ME3: variants seen among roughly 807,000 people sequenced by gnomAD.
The protein encoded by ME3 is malic enzyme 3.
In ME3, 48 loss-of-function variants were observed where a neutral mutation model predicts 68.9. The observed-to-expected ratio is 0.70, with a 90% CI of 0.55 to 0.89. The LOEUF (loss-of-function observed/expected upper bound fraction) is 0.89. ME3 is among the 40% of genes least tolerant of loss of function. ME3 has a pLI of 0.00. For missense variants in ME3, 675 were observed against 797.4 expected, an observed-to-expected ratio of 0.85 and a Z score of 1.85; for synonymous variants, 320 against 318.8, an observed-to-expected ratio of 1.00 and a Z score of -0.04.
chr11:86,447,285 G>T, intron 11 of ME3, 78 bp from the exon 12 acceptor site: 2 of 1,546,456 alleles, frequency 1.3e-6, no homozygotes, highest in Non-Finnish European at 1.8e-6. Flanking sequence ...GGTGGTGGGG[G>T]AACTAGGAAT....
chr11:86,565,079 C>T (rs548734733), intron 2 of ME3, among the ~76,000 whole-genome samples: 6 of 152,226 alleles, frequency 3.9e-5, no homozygotes, highest in Admixed American at 2.0e-4. Context: ...TGGCCAATAG[C>T]ACATGGAAAG....
chr11:86,613,217 A>T (rs1329792546), intron 2 of ME3, among the ~76,000 whole-genome samples: 2 of 152,290 alleles, frequency 1.3e-5, no homozygotes, highest in Admixed American at 6.5e-5. Context: ...AGATGGTTGT[A>T]GATGTGTGGT....
intron 2 of ME3, among the ~76,000 whole-genome samples, chr11:86,604,793 TAGAC>T (rs1961369643): frequency 6.6e-6 from 1 of 152,204 alleles, no homozygotes; most frequent in Admixed American, 6.5e-5. Context: ...TACGTCTTAA[TAGAC>T]AGTTAAGAAA....
chr11:86,438,545 G>C (rs1948909907), downstream of ME3, among the ~76,000 whole-genome samples: 1 of 151,942 alleles, frequency 6.6e-6, no homozygotes, highest in South Asian at 2.1e-4. Flanking sequence ...CTGCATAATT[G>C]GTGTTATTAC....
exon 1 of ME3, chr11:86,672,603 G>A (rs1947027727): frequency 6.6e-6 from 1 of 152,250 alleles, no homozygotes; most frequent in Admixed American, 6.5e-5. Flanking sequence ...CTCCATCTTG[G>A]CAAGACTAAA....
At chr11:86,575,228 G>T (rs1353234156) in intron 2 of ME3, among the ~76,000 whole-genome samples, 1 of 147,354 alleles carries the variant, frequency 6.8e-6, no homozygotes, top group Non-Finnish European at 1.5e-5. Context: ...GTGCTCCAGG[G>T]TGAACTCCTC....
At chr11:86,447,024 T>C (rs1225856286) in intron 12 of ME3, 41 bp downstream of exon 12, 1 of 1,604,340 alleles carries the variant, frequency 6.2e-7, no homozygotes, top group African/African-American at 1.3e-5. Context: ...TAATTGTTAC[T>C]ATGTCCTCTC....
chr11:86,555,998 T>A (rs1444848619), intron 4 of ME3, among the ~76,000 whole-genome samples: 1 of 152,180 alleles, frequency 6.6e-6, no homozygotes, highest in Non-Finnish European at 1.5e-5. Flanking sequence ...GAAGTCATTT[T>A]GAAAAAAAAC....
intron 6 of ME3, among the ~76,000 whole-genome samples, chr11:86,491,105 G>A (rs987374369): frequency 5.3e-5 from 8 of 152,134 alleles, no homozygotes; most frequent in East Asian, 1.9e-4. Flanking sequence ...TGGATATGAC[G>A]TTAAAAAATA....
intron 2 of ME3, among the ~76,000 whole-genome samples, chr11:86,585,269 A>G (rs1208507532): frequency 6.6e-6 from 1 of 152,230 alleles, no homozygotes; most frequent in Non-Finnish European, 1.5e-5. Flanking sequence ...TGCAGTGAGG[A>G]GAATTTTTGG....
intron 7 of ME3, among the ~76,000 whole-genome samples, chr11:86,486,269 C>A (rs1471270237): frequency 1.3e-5 from 2 of 152,214 alleles, no homozygotes; most frequent in African/African-American, 4.8e-5. Context: ...TTGACAGGAT[C>A]ATTTCCACCT....
chr11:86,540,146 G>A (rs1450247670), intron 4 of ME3, among the ~76,000 whole-genome samples: 2 of 152,214 alleles, frequency 1.3e-5, no homozygotes, highest in East Asian at 3.8e-4. Flanking sequence ...CCATCCTGTG[G>A]AACACAGGCC....
intron 2 of ME3, among the ~76,000 whole-genome samples, chr11:86,560,726 A>ATGTG (rs763026313): frequency 3.8e-5 from 4 of 106,070 alleles, no homozygotes; most frequent in South Asian, 6.2e-4. Flanking sequence ...GTGTGTGTGT[A>ATGTG]TGTGTGTGTG....
intron 4 of ME3, among the ~76,000 whole-genome samples, chr11:86,522,979 A>G (rs1954437844): frequency 6.6e-6 from 1 of 152,106 alleles, no homozygotes; most frequent in African/African-American, 2.4e-5. Context: ...GGGGTCTGGG[A>G]GGTTGATTAT....
chr11:86,541,373 G>A (rs1484869291), intron 4 of ME3, among the ~76,000 whole-genome samples: 1 of 152,204 alleles, frequency 6.6e-6, no homozygotes, highest in African/African-American at 2.4e-5. Flanking sequence ...CTCCCACAGA[G>A]CCCAGCAAGC....
exon 3 of ME3, chr11:86,559,745 C>T (rs146522939): frequency 9.9e-6 from 16 of 1,613,870 alleles, no homozygotes; most frequent in African/African-American, 4.0e-5. Context: ...AGGAGCTGGA[C>T]GTCCTGGCTC....
chr11:86,600,282 A>C (rs1041511608), intron 2 of ME3, among the ~76,000 whole-genome samples: 1 of 152,236 alleles, frequency 6.6e-6, no homozygotes, highest in Admixed American at 6.5e-5. Context: ...TGGAAAACAA[A>C]AAAGGCAGGG....
chr11:86,630,979 C>T (rs1461604246), intron 2 of ME3, among the ~76,000 whole-genome samples: 63 of 152,152 alleles, frequency 4.1e-4, no homozygotes, highest in Non-Finnish European at 4.4e-5. Context: ...ATGGAGGCGG[C>T]AGGGATGGCA....
chr11:86,615,717 TC>T (rs1464026999), intron 2 of ME3, among the ~76,000 whole-genome samples: 1 of 152,046 alleles, frequency 6.6e-6, no homozygotes, highest in Non-Finnish European at 1.5e-5. Flanking sequence ...CTTCTCAACT[TC>T]CCATACTCAG....
Sources: gnomAD v4.1 joint callset for allele counts (sites outside exome capture counted in the v4.1 genomes callset) on GRCh38, gnomAD v4.1.1 for gene constraint, MANE v1.5 for transcripts, NCBI Gene and HGNC (gene_info 2026-07-23, HGNC 2026-07-21) for gene names.